The following KCNG4 variants were observed in gnomAD, a reference collection of about 807,000 sequenced individuals.
The protein encoded by KCNG4 is voltage-gated potassium channel regulatory subunit KCNG4.
Under a neutral mutation model 28.2 loss-of-function variants are expected in KCNG4, and 30 were observed. The observed-to-expected ratio is 1.06, with a 90% CI of 0.80 to 1.44. The LOEUF (loss-of-function observed/expected upper bound fraction) is 1.44, where lower values mean the gene tolerates loss of function less well. KCNG4 is among the 40% of genes most tolerant of loss of function. KCNG4 has a pLI of 0.00. For missense variants in KCNG4, 879 were observed against 712.3 expected (o/e 1.23, Z -2.66); for synonymous variants, 375 against 315.5 (o/e 1.19, Z -2.00).
Position 84,222,671 on chromosome 16 carries a change from C to A in KCNG4, c.1106G>T (p.Arg369Leu), listed in dbSNP as rs767194456. The change falls in exon 3 of 3, where the codon CGT becomes CTT. Residue 369 changes from arginine (R) to leucine (L), a missense_variant. Physicochemically the swap from Arg to Leu is moderately radical, Grantham distance 102. Transcript: ENST00000308251. ...GAAGAGAAGGAGCAGGCCGAACTCA[C>A]GTGTGCAACGGCGCACGGTGAGCCC... Reference protein sequence around the residue: ...TLGLTVRRCTREFGLLLLFLA... With the variant: ...TLGLTVRRCTLEFGLLLLFLA... 1 of 1,613,216 alleles carries A rather than the reference C, an allele frequency of 6.2e-7. No individual in the cohort carries two copies. The highest frequency in any genetic ancestry group is 1.1e-5 in the South Asian group (1 of 91,042).
In KCNG4 at chr16:84,237,330, G is replaced by A. The variant is rs957135937; in HGVS notation, c.156C>T (p.Ala52=). Residue 52 remains alanine (A), a synonymous_variant, in exon 2 of 3, where the codon GCC becomes GCT. Transcript: ENST00000308251. The stretch of plus-strand genomic sequence containing the variant: ...TCTCCTTCTTCAGGTCCACTGGGGA[G>A]GCGTCCAGGGCACCCACCTTCCGCA... The part of the protein sequence containing the change: ...RRVRKVGALD[A]SPVDLKKEIL... 1.8e-5 allele frequency: 28 copies of A among 1,579,178 alleles called. No individual in the cohort carries two copies. The highest frequency in any genetic ancestry group is 2.2e-5 in the Non-Finnish European group (25 of 1,162,596).
rs1904551057 is a variant in KCNG4, at chr16:84,221,312, C to T, written c.*905G>A. On this transcript the variant is annotated 3_prime_UTR_variant, in exon 3 of 3. Transcript: ENST00000308251. ...TCAGCTGTGGATGAAAAGCTAAGGC[C>T]CCTGCAGTGTGGGAGCAACCAGCAG... 6.6e-6 allele frequency: 1 copy of T among 152,266 alleles called. No individual in the cohort carries two copies. Among genetic ancestry groups the T allele is most frequent in the South Asian group, 2.1e-4 (1 of 4,826 alleles). The allele number at this position is 152,266 out of a possible 1,614,324, so 9.4% of individuals were successfully genotyped here.
chr16:84,235,141 TA>T (rs1801408905), intron 2 of KCNG4, among the ~76,000 whole-genome samples: 1 of 152,192 alleles, frequency 6.6e-6, no homozygotes, highest in Non-Finnish European at 1.5e-5. Flanking sequence ...GAGTCACTGT[TA>T]AGCCAGGCCT....
chr16:84,223,337 G>A (rs1191424032), intron 2 of KCNG4, among the ~76,000 whole-genome samples: 1 of 152,168 alleles, frequency 6.6e-6, no homozygotes, highest in East Asian at 1.9e-4. Flanking sequence ...TGTGAGCCGG[G>A]ACAGCACAAA....
intron 2 of KCNG4, among the ~76,000 whole-genome samples, chr16:84,230,813 G>C (rs1428873059): frequency 1.3e-5 from 2 of 152,232 alleles, no homozygotes; most frequent in African/African-American, 4.8e-5. Context: ...GCAATGCTGT[G>C]GGGCAGGCGT....
At chr16:84,227,286 T>G (rs542741677) in intron 2 of KCNG4, among the ~76,000 whole-genome samples, 1 of 152,288 alleles carries the variant, frequency 6.6e-6, no homozygotes, top group East Asian at 1.9e-4. Flanking sequence ...ACACAAAAAC[T>G]TGTACACAGG....
chr16:84,233,823 G>C (rs1383126673), intron 2 of KCNG4, among the ~76,000 whole-genome samples: 1 of 152,206 alleles, frequency 6.6e-6, no homozygotes, highest in Non-Finnish European at 1.5e-5. Context: ...GATGGTATCA[G>C]TGTTGTGTAG....
chr16:84,236,540 TAAA>T (rs574533854), intron 2 of KCNG4, 187 bp downstream of exon 2: 14 of 686,746 alleles, frequency 2.0e-5, no homozygotes, highest in Non-Finnish European at 2.6e-5. Context: ...AGGACTCCAA[TAAA>T]AAAAAAAAAG....
At chr16:84,224,241 G>A (rs1904645166) in intron 2 of KCNG4, among the ~76,000 whole-genome samples, 1 of 152,116 alleles carries the variant, frequency 6.6e-6, no homozygotes, top group Non-Finnish European at 1.5e-5. Flanking sequence ...GCTGCATGTT[G>A]GAATCACCTG....
At chr16:84,237,673 A>T in intron 1 of KCNG4, 148 bp from the exon 2 acceptor site, 1 of 494,076 alleles carries the variant, frequency 2.0e-6, no homozygotes, top group Non-Finnish European at 3.3e-6. Context: ...TTAGTTCAAC[A>T]CATATTTATT....
Position 84,228,137 on chromosome 16 carries a change from G to A in KCNG4, c.757-5117C>T, listed in dbSNP as rs559758265. On this transcript the variant is annotated intron_variant, in intron 2 of 2. Coordinates refer to ENST00000308251, the MANE Select transcript of KCNG4 (RefSeq NM_172347.3). ...AGCAGCAGAGCGGGGCTTCCTGAGG[G>A]CAAAGCTGCTGCCCTGGGGGCCCTG... Among the ~76,000 whole-genome samples the A allele has an allele frequency of 3.2e-3, 482 of 152,356 alleles. 10 individuals are homozygous for A. The highest frequency in any genetic ancestry group is 0.01 in the Middle Eastern group (3 of 294).
chr16:84,222,984 C>G lies in KCNG4; in HGVS notation c.793G>C (p.Val265Leu). The G allele has an allele frequency of 6.5e-7, 1 of 1,544,548 alleles. No homozygotes were observed. Among genetic ancestry groups the G allele is most frequent in the East Asian group, 2.3e-5 (1 of 44,102 alleles). ...AACCAGGCCACGCAGATGGTCTCCA[C>G]GATGAAAATATAGTAGCACTTCCGA... ...CSRKCYYIFI[V>L]ETICVAWFSL... The change falls in exon 3 of 3, where the codon GTG becomes CTG. Residue 265 changes from valine to leucine, a missense_variant. Val to Leu is a conservative substitution (Grantham distance 32). Coordinates refer to ENST00000308251, the MANE Select transcript of KCNG4 (RefSeq NM_172347.3).
chr16:84,236,623 T>G, intron 2 of KCNG4, 107 bp downstream of exon 2: 1 of 1,152,828 alleles, frequency 8.7e-7, no homozygotes, highest in East Asian at 2.6e-5. Flanking sequence ...TATTCATTTT[T>G]TTCTTCTTAT....
At position 84,236,836 on chromosome 16, in the gene KCNG4, C is replaced by T. The variant is rs761368393; in HGVS notation, c.650G>A (p.Gly217Glu). The change falls in exon 2 of 3, where the codon GGG becomes GAG. Residue 217 changes from glycine (G) to glutamate (E), a missense_variant. Physicochemically the swap from Gly to Glu is moderately conservative, Grantham distance 98. Coordinates refer to ENST00000308251, the MANE Select transcript of KCNG4 (RefSeq NM_172347.3). ...GCAAGCGAAGACCTTCCCGGGCAGC[C>T]CGGACTGCGGGTTTTCCACCATCTC... ...LREMVENPQS[G>E]LPGKVFACLS... The T allele has an allele frequency of 6.2e-7, 1 of 1,613,666 alleles. No individual in the cohort carries two copies. Among genetic ancestry groups the T allele is most frequent in the Non-Finnish European group, 8.5e-7 (1 of 1,180,036 alleles).
At position 84,222,817 on chromosome 16, in the gene KCNG4, G is replaced by A. The variant is rs778957478; in HGVS notation, c.960C>T (p.Gly320=). ...GGTAGGAGCTCCCGCTCGGCCTCTC[G>A]CCGTCCTCCGGGGGCTCCTCAGACA... is the stretch of plus-strand genomic sequence containing the variant. ...LAVSEEPPED[G]ERPSGSSYLE... The change falls in exon 3 of 3, where the codon GGC becomes GGT. Residue 320 remains glycine (G), a synonymous_variant. Transcript: ENST00000308251. 66 of 1,609,804 alleles carry A rather than the reference G, an allele frequency of 4.1e-5. No homozygotes were observed. The highest frequency in any genetic ancestry group is 4.0e-5 in the Non-Finnish European group (47 of 1,176,932).
At chr16:84,225,428 C>T (rs1294262874) in intron 2 of KCNG4, among the ~76,000 whole-genome samples, 1 of 152,182 alleles carries the variant, frequency 6.6e-6, no homozygotes, top group Admixed American at 6.5e-5. Context: ...CCCCAGGGTG[C>T]TTGTTGTAAA....
intron 2 of KCNG4, chr16:84,236,502 G>A (rs1006391593): frequency 1.9e-5 from 11 of 586,852 alleles, no homozygotes; most frequent in African/African-American, 1.1e-4. Context: ...TGATTTTCAC[G>A]GTGAGCCTTA....
intron 1 of KCNG4, among the ~76,000 whole-genome samples, chr16:84,238,932 A>G (rs75063301): frequency 0.031 from 4,699 of 152,278 alleles, 199 homozygotes; most frequent in East Asian, 0.16. Context: ...GACCTATATG[A>G]GGTGCTTGAC....
At position 84,226,698 on chromosome 16, in the gene KCNG4, G is replaced by T. The variant is rs1904705356; in HGVS notation, c.757-3678C>A. Among the ~76,000 whole-genome samples the T allele has an allele frequency of 1.8e-5, 2 of 109,984 alleles. No homozygotes were observed. Among genetic ancestry groups the T allele is most frequent in the South Asian group, 6.0e-4 (2 of 3,314 alleles). 72.2% of individuals were successfully genotyped at this position (109,984 alleles called of 152,430 possible). On this transcript the variant is annotated intron_variant, in intron 2 of 2. Coordinates refer to ENST00000308251, the MANE Select transcript of KCNG4 (RefSeq NM_172347.3). This position sits in a 1 kb window ranked among gnomAD's most constrained non-coding sequence, Gnocchi z 4.1. ...GTTCGAGACCAGCCTGACCAATATG[G>T]TGAAACCTTGTCGCTACTAAAAATA...
Sources: allele counts gnomAD v4.1 joint callset (sites outside exome capture counted in the v4.1 genomes callset), GRCh38; gene constraint gnomAD v4.1.1; non-coding constraint Gnocchi (gnomAD v3.1); transcripts MANE v1.5; gene names NCBI Gene and HGNC (gene_info 2026-07-23, HGNC 2026-07-21).